The following DLGAP1 variants were observed in gnomAD, a reference collection of about 807,000 sequenced individuals.
DLGAP1 encodes DLG associated protein 1.
A neutral mutation model predicts 90.8 loss-of-function variants in DLGAP1; 11 were observed. The observed-to-expected ratio is 0.12, with a 90% CI of 0.08 to 0.20. DLGAP1 has a LOEUF of 0.20. Among genes scored for constraint, DLGAP1 ranks in the 10% least tolerant of loss-of-function variants. The probability of loss-of-function intolerance (pLI) is 1.00; values close to 1 mark genes in which losing one functional copy is unlikely to be tolerated. For missense variants in DLGAP1, 1,050 were observed against 1,333.8 expected (o/e 0.79, Z 3.31); for synonymous variants, 558 against 540.7 (o/e 1.03, Z -0.44).
At chr18:4,442,307 C>T (rs2083556252) in intron 1 of DLGAP1, among the ~76,000 whole-genome samples, 1 of 152,162 alleles carries the variant, frequency 6.6e-6, no homozygotes, top group South Asian at 2.1e-4. Flanking sequence ...CCTGAAATCA[C>T]TTTCTACATA....
intron 9 of DLGAP1, among the ~76,000 whole-genome samples, chr18:3,549,039 G>A (rs9950474): frequency 0.098 from 14,924 of 151,906 alleles, 891 homozygotes; most frequent in African/African-American, 0.16. Flanking sequence ...ACTCCATCTC[G>A]AAGAAAAAAG....
At chr18:3,682,463 G>A (rs1169036561) in intron 7 of DLGAP1, among the ~76,000 whole-genome samples, 1 of 152,198 alleles carries the variant, frequency 6.6e-6, no homozygotes, top group Non-Finnish European at 1.5e-5. Flanking sequence ...TAGATATAAA[G>A]TCTGAGGCCA....
intron 2 of DLGAP1, among the ~76,000 whole-genome samples, chr18:4,119,290 C>T (rs1192376898): frequency 6.6e-6 from 1 of 152,050 alleles, no homozygotes; most frequent in African/African-American, 2.4e-5. Context: ...GATGGGTTCT[C>T]ACTATGTCTC....
At chr18:4,195,925 C>A (rs1386400664) in intron 1 of DLGAP1, among the ~76,000 whole-genome samples, 1 of 152,100 alleles carries the variant, frequency 6.6e-6, no homozygotes, top group Non-Finnish European at 1.5e-5. Flanking sequence ...TACAGATAAA[C>A]CTTAGGAATA....
At chr18:3,758,965 T>C (rs73940221) in intron 5 of DLGAP1, among the ~76,000 whole-genome samples, 1 of 152,126 alleles carries the variant, frequency 6.6e-6, no homozygotes, top group Non-Finnish European at 1.5e-5. Flanking sequence ...ATGTGCCCCA[T>C]CCGAAGATCT....
rs1430475244 is a variant in DLGAP1, at chr18:4,448,369, C to T, written c.-267+6637G>A. Among the ~76,000 whole-genome samples the T allele has an allele frequency of 2.0e-5, 3 of 152,082 alleles. 1 individual carries two copies. The highest frequency in any genetic ancestry group is 3.9e-4 in the East Asian group (2 of 5,192). ...TCTATATTCTTCACAGTAATAAGTA[C>T]CCAGGAGATGTTACAAATATTTTTT... is the stretch of plus-strand genomic sequence containing the variant. On this transcript the variant is annotated intron_variant, in intron 1 of 12. Coordinates refer to ENST00000315677, the MANE Select transcript of DLGAP1 (RefSeq NM_004746.4).
At chr18:4,411,615 G>A (rs1025696843) in intron 1 of DLGAP1, among the ~76,000 whole-genome samples, 1 of 152,114 alleles carries the variant, frequency 6.6e-6, no homozygotes, top group Non-Finnish European at 1.5e-5. Context: ...GAGGTTGATG[G>A]GCTCAGCGAG....
Position 3,508,557 on chromosome 18 carries a change from G to A in DLGAP1, c.2571+13C>T. The A allele has an allele frequency of 6.3e-7, 1 of 1,595,748 alleles. No individual in the cohort carries two copies. Among genetic ancestry groups the A allele is most frequent in the Non-Finnish European group, 8.6e-7 (1 of 1,167,066 alleles). On this transcript the variant is annotated intron_variant, in intron 11 of 12. Coordinates refer to ENST00000315677, the MANE Select transcript of DLGAP1 (RefSeq NM_004746.4). ...CACTAGCAGGGAAATTGTAGAAGGAGAGTGTTACCTACCAGGTTTTCTTCA... is the reference window on the plus strand; with the variant it reads ...CACTAGCAGGGAAATTGTAGAAGGAAAGTGTTACCTACCAGGTTTTCTTCA...
At chr18:3,889,269 A>G (rs2071400318) in intron 3 of DLGAP1, among the ~76,000 whole-genome samples, 1 of 152,208 alleles carries the variant, frequency 6.6e-6, no homozygotes, top group Non-Finnish European at 1.5e-5. Context: ...ATGACAATAC[A>G]ACTTGAAAAG....
At chr18:3,589,261 T>C (rs1019242912) in intron 7 of DLGAP1, among the ~76,000 whole-genome samples, 1 of 152,226 alleles carries the variant, frequency 6.6e-6, no homozygotes, top group African/African-American at 2.4e-5. Flanking sequence ...TATTTTATTC[T>C]GTAGTGGTGA....
At chr18:3,657,850 C>T (rs967239796) in intron 7 of DLGAP1, among the ~76,000 whole-genome samples, 6 of 151,764 alleles carry the variant, frequency 4.0e-5, no homozygotes, top group South Asian at 2.1e-4. Context: ...GTGATCCGCC[C>T]GCCTCGGCCT....
At chr18:3,703,607 A>C (rs2061346958) in intron 7 of DLGAP1, among the ~76,000 whole-genome samples, 1 of 152,230 alleles carries the variant, frequency 6.6e-6, no homozygotes. Context: ...GATATTTGAA[A>C]GTTCACTAGA....
chr18:3,745,598 C>T (rs929060654), intron 5 of DLGAP1, among the ~76,000 whole-genome samples: 1 of 152,030 alleles, frequency 6.6e-6, no homozygotes, highest in Non-Finnish European at 1.5e-5. Flanking sequence ...GTAAGGAGGT[C>T]TAAAGGTTCT....
intron 1 of DLGAP1, among the ~76,000 whole-genome samples, chr18:4,441,179 CTT>C (rs947656073): frequency 5.3e-5 from 8 of 152,190 alleles, no homozygotes; most frequent in African/African-American, 1.9e-4. Flanking sequence ...GCTTCTTTCT[CTT>C]TGAGGTATCT....
At chr18:3,563,891 G>A (rs1482541579) in intron 9 of DLGAP1, among the ~76,000 whole-genome samples, 1 of 152,102 alleles carries the variant, frequency 6.6e-6, no homozygotes, top group Non-Finnish European at 1.5e-5. Context: ...GATATTCTTT[G>A]TTTCTATTAG....
chr18:4,049,435 G>T (rs962960648), intron 2 of DLGAP1, among the ~76,000 whole-genome samples: 16 of 152,134 alleles, frequency 1.1e-4, no homozygotes. Context: ...CATGCTGGCC[G>T]TCACACTGGA....
chr18:3,971,676 A>G (rs981262750), intron 3 of DLGAP1, among the ~76,000 whole-genome samples: 2 of 152,212 alleles, frequency 1.3e-5, no homozygotes, highest in African/African-American at 4.8e-5. Flanking sequence ...AAGCTGTACT[A>G]AGGATAACAT....
chr18:4,081,418 G>C (rs1387652787), intron 2 of DLGAP1, among the ~76,000 whole-genome samples: 1 of 152,070 alleles, frequency 6.6e-6, no homozygotes, highest in Non-Finnish European at 1.5e-5. Flanking sequence ...TTCTTACTCT[G>C]TTTGTATAAG....
In DLGAP1 at chr18:4,454,766, A is replaced by C. The variant is rs917571271; in HGVS notation, c.-267+240T>G. Among the ~76,000 whole-genome samples, 1 of 151,538 alleles carries C rather than the reference A, an allele frequency of 6.6e-6. No homozygotes were observed. The highest frequency in any genetic ancestry group is 1.5e-5 in the Non-Finnish European group (1 of 67,842). ...GGAGCCGCGAGGACCGCATGGCCGG[A>C]GAGGACGCGCTCGCCCCCGAGATCC... On this transcript the variant is annotated intron_variant, in intron 1 of 12. Transcript: ENST00000315677. The surrounding 1 kb of genome is among the most constrained non-coding windows in gnomAD (Gnocchi z 4.7).
Sources: allele counts gnomAD v4.1 joint callset (sites outside exome capture counted in the v4.1 genomes callset), GRCh38; gene constraint gnomAD v4.1.1; non-coding constraint Gnocchi (gnomAD v3.1); transcripts MANE v1.5; gene names NCBI Gene and HGNC (gene_info 2026-07-23, HGNC 2026-07-21).